NBEA: variants seen among roughly 807,000 people sequenced by gnomAD.
NBEA encodes the protein lysosomal-trafficking regulator 2.
In NBEA, 44 loss-of-function variants were observed where a neutral mutation model predicts 343.4. That is an observed-to-expected ratio of 0.13 (90% CI 0.10 to 0.16). The LOEUF is 0.16. Ranked by LOEUF, NBEA falls within the 10% of genes least tolerant of loss-of-function variation. The probability of loss-of-function intolerance (pLI) is 1.00; values close to 1 mark genes in which losing one functional copy is unlikely to be tolerated. For missense variants in NBEA, 2,555 were observed against 3,631.3 expected, an observed-to-expected ratio of 0.70 and a Z score of 7.62; for synonymous variants, 1,175 against 1,238.7, an observed-to-expected ratio of 0.95 and a Z score of 1.08.
chr13:35,353,289 G>A (rs1445936245), intron 38 of NBEA, among the ~76,000 whole-genome samples: 4 of 152,066 alleles, frequency 2.6e-5, no homozygotes, highest in African/African-American at 9.7e-5. Context: ...ACAAAAATTA[G>A]CCAGGCGTGG....
At chr13:35,254,533 G>A (rs936001760) in intron 34 of NBEA, among the ~76,000 whole-genome samples, 28 of 151,846 alleles carry the variant, frequency 1.8e-4, no homozygotes, top group Admixed American at 1.3e-4. Context: ...TGTTATCAAA[G>A]CTGGTCTTGA....
chr13:35,527,200 C>T lies in NBEA; in HGVS notation c.6586-23277C>T, dbSNP rs1163874620. 3.9e-5 allele frequency among the ~76,000 whole-genome samples: 6 copies of T among 152,156 alleles called. No individual in the cohort carries two copies. The South Asian group carries it at 6.2e-4, about 16-fold the overall frequency. ...AGTCAGGTTATTTTATGGGCTCAGA[C>T]GGGAGGAAGTACATGGTGATTGGTC... On this transcript the variant is annotated intron_variant, in intron 41 of 58. Transcript: ENST00000379939.
At chr13:34,949,248 A>G (rs755182968) in intron 1 of NBEA, among the ~76,000 whole-genome samples, 11 of 152,186 alleles carry the variant, frequency 7.2e-5, no homozygotes, top group Non-Finnish European at 1.6e-4. Flanking sequence ...CTGACGGTTA[A>G]GGGGATAAGA....
At chr13:35,104,855 G>T (rs757206096) in intron 11 of NBEA, among the ~76,000 whole-genome samples, 2 of 151,936 alleles carry the variant, frequency 1.3e-5, no homozygotes, top group Non-Finnish European at 2.9e-5. Context: ...GGATATTTTT[G>T]ATTGTGGTTA....
At chr13:35,075,297 C>T (rs1302722582) in intron 10 of NBEA, among the ~76,000 whole-genome samples, 4 of 152,100 alleles carry the variant, frequency 2.6e-5, no homozygotes, top group Admixed American at 1.3e-4. Flanking sequence ...CTGTACATAG[C>T]ATCTGGCATT....
At chr13:35,462,162 T>C (rs1402048552) in intron 40 of NBEA, among the ~76,000 whole-genome samples, 1 of 152,198 alleles carries the variant, frequency 6.6e-6, no homozygotes, top group Non-Finnish European at 1.5e-5. Flanking sequence ...AAGTATCGGA[T>C]ATCAACTCTA....
At position 35,172,862 on chromosome 13, in the gene NBEA, G is replaced by A. The variant is rs79471118; in HGVS notation, c.4424-602G>A. ...AGGTCACGGTCTGATTTCAAACTCT[G>A]TACTACTTGTTACAGTATTCTACTG... On this transcript the variant is annotated intron_variant, in intron 26 of 58. Coordinates refer to ENST00000379939, the MANE Select transcript of NBEA (RefSeq NM_001385012.1). Among the ~76,000 whole-genome samples the A allele has an allele frequency of 8.7e-3, 1,323 of 152,096 alleles. 19 individuals are homozygous for A. The highest frequency in any genetic ancestry group is 0.03 in the African/African-American group (1,253 of 41,504).
chr13:35,634,510 A>C (rs572210795), intron 49 of NBEA, among the ~76,000 whole-genome samples: 1 of 152,322 alleles, frequency 6.6e-6, no homozygotes, highest in African/African-American at 2.4e-5. Context: ...ACAAGATACT[A>C]AGTTCTGAAC....
At chr13:35,201,482 A>G (rs2073019373) in intron 31 of NBEA, among the ~76,000 whole-genome samples, 1 of 152,030 alleles carries the variant, frequency 6.6e-6, no homozygotes, top group African/African-American at 2.4e-5. Flanking sequence ...ATCAGTAACA[A>G]ATTATTTTTC....
intron 1 of NBEA, among the ~76,000 whole-genome samples, chr13:34,974,581 A>G (rs1015204696): frequency 6.6e-6 from 1 of 152,190 alleles, no homozygotes; most frequent in African/African-American, 2.4e-5. Flanking sequence ...TGCTTAGGTA[A>G]TGTTACTGTA....
At chr13:34,998,408 C>T (rs191481550) in intron 1 of NBEA, among the ~76,000 whole-genome samples, 4 of 152,230 alleles carry the variant, frequency 2.6e-5, no homozygotes, top group African/African-American at 7.2e-5. Context: ...GACAACTGGT[C>T]TGACCAAAAT....
intron 39 of NBEA, among the ~76,000 whole-genome samples, chr13:35,449,033 G>A (rs2046176816): frequency 6.6e-6 from 1 of 152,162 alleles, no homozygotes; most frequent in Non-Finnish European, 1.5e-5. Flanking sequence ...AATAACATTA[G>A]CATGGGTAAA....
At chr13:35,402,038 T>G (rs2043025515) in intron 38 of NBEA, among the ~76,000 whole-genome samples, 1 of 152,010 alleles carries the variant, frequency 6.6e-6, no homozygotes, top group African/African-American at 2.4e-5. Context: ...CTATTTAAAT[T>G]TTGGATATTG....
intron 1 of NBEA, among the ~76,000 whole-genome samples, chr13:34,997,245 A>G (rs554032017): frequency 1.3e-5 from 2 of 152,206 alleles, no homozygotes; most frequent in Admixed American, 6.5e-5. Context: ...GTTCTCAAGA[A>G]TATGATATGT....
chr13:35,611,829 G>A (rs1179204705), intron 48 of NBEA, among the ~76,000 whole-genome samples: 1 of 152,126 alleles, frequency 6.6e-6, no homozygotes, highest in Non-Finnish European at 1.5e-5. Context: ...CATTTGATTT[G>A]TTTCTACTTT....
chr13:35,645,896 C>T lies in NBEA; in HGVS notation c.7645C>T (p.Pro2549Ser), dbSNP rs1271555786. Residue 2549 changes from proline (P) to serine (S), a missense_variant, in exon 50 of 59, where the codon CCC becomes TCC. This residue lies in a region of NBEA where 87 missense variants were observed against 75.0 expected (regional missense o/e 1.16). Coordinates refer to ENST00000379939, the MANE Select transcript of NBEA (RefSeq NM_001385012.1). ...TCCAGAAGCTTATTTCATTAGAGAC[C>T]CCCACACTTTCCTTCTTACAAAGGA... is the stretch of plus-strand genomic sequence containing the variant. ...EIPEAYFIRD[P>S]HTFLLTKDFI... 2.5e-6 allele frequency: 4 copies of T among 1,578,060 alleles called. No homozygotes were observed. The highest frequency in any genetic ancestry group is 1.8e-5 in the Admixed American group (1 of 56,606).
At chr13:35,114,311 A>G (rs1418171167) in intron 13 of NBEA, among the ~76,000 whole-genome samples, 2 of 152,160 alleles carry the variant, frequency 1.3e-5, no homozygotes, top group African/African-American at 4.8e-5. Context: ...CAAACTTTTT[A>G]AATTTGCCGC....
chr13:35,171,514 A>C (rs966122078), intron 26 of NBEA, 62 bp downstream of exon 26: 2 of 1,303,760 alleles, frequency 1.5e-6, no homozygotes, highest in African/African-American at 1.5e-5. Flanking sequence ...TTTATAAAGC[A>C]CTATGGTACA....
chr13:35,328,167 A>G (rs1372579311), intron 36 of NBEA, among the ~76,000 whole-genome samples: 1 of 152,006 alleles, frequency 6.6e-6, no homozygotes, highest in African/African-American at 2.4e-5. Flanking sequence ...TAAATTTAGC[A>G]AAGTCACAGG....
Sources: allele counts gnomAD v4.1 joint callset (sites outside exome capture counted in the v4.1 genomes callset), GRCh38; gene constraint gnomAD v4.1.1; regional missense constraint gnomAD v4.1.1; transcripts MANE v1.5; gene names NCBI Gene and HGNC (gene_info 2026-07-23, HGNC 2026-07-21).